The following ANK3 variants were observed in gnomAD, a reference collection of about 807,000 sequenced individuals.
ANK3 encodes the protein ankyrin 3.
ANK3 carries 57 observed loss-of-function variants against 370.9 expected under a neutral mutation model. The observed-to-expected ratio is 0.15, with a 90% CI of 0.12 to 0.19. The LOEUF (loss-of-function observed/expected upper bound fraction) is 0.19, where lower values mean the gene tolerates loss of function less well. Among genes scored for constraint, ANK3 ranks in the 10% least tolerant of loss-of-function variants. The pLI is 1.00. For missense variants in ANK3, 4,439 were observed against 5,302.1 expected, an observed-to-expected ratio of 0.84 and a Z score of 5.06; for synonymous variants, 1,929 against 1,946.3, an observed-to-expected ratio of 0.99 and a Z score of 0.23.
chr10:60,205,665 C>G (rs148135232), intron 11 of ANK3, 127 bp downstream of exon 11: 1 of 679,450 alleles, frequency 1.5e-6, no homozygotes. Flanking sequence ...CTAAAGAGTT[C>G]AGAATGCAGT....
intron 1 of ANK3, among the ~76,000 whole-genome samples, chr10:60,652,456 A>T (rs2078802217): frequency 6.6e-6 from 1 of 152,054 alleles, no homozygotes; most frequent in Non-Finnish European, 1.5e-5. Context: ...AGGAGAGATA[A>T]AGAACTTGAA....
chr10:60,443,315 A>G (rs1338221155), intron 2 of ANK3, among the ~76,000 whole-genome samples: 1 of 151,880 alleles, frequency 6.6e-6, no homozygotes, highest in African/African-American at 2.4e-5. Context: ...GTGTGTGTGT[A>G]TTAAGAGTAG....
At chr10:60,640,639 T>C (rs10994450) in intron 1 of ANK3, among the ~76,000 whole-genome samples, 1,437 of 62,490 alleles carry the variant, frequency 0.023, 404 homozygotes, top group African/African-American at 0.062. Context: ...GGACGTATCT[T>C]AAAATAATAA....
intron 2 of ANK3, among the ~76,000 whole-genome samples, chr10:60,477,007 CA>C (rs1320884333): frequency 6.6e-6 from 1 of 151,922 alleles, no homozygotes; most frequent in African/African-American, 2.4e-5. Context: ...AGAAAGCCTG[CA>C]AAAAAATCTT....
chr10:60,357,832 C>G (rs536527308), intron 1 of ANK3, among the ~76,000 whole-genome samples: 2 of 152,304 alleles, frequency 1.3e-5, no homozygotes, highest in African/African-American at 4.8e-5. Context: ...GACTGCCACT[C>G]TGCCAACCTT....
chr10:60,601,576 A>G (rs2078065127), intron 2 of ANK3, among the ~76,000 whole-genome samples: 1 of 152,134 alleles, frequency 6.6e-6, no homozygotes, highest in Non-Finnish European at 1.5e-5. Context: ...ATCAAAAACA[A>G]GAAAAAACTG....
At chr10:60,392,517 G>T (rs906758734), upstream of ANK3, among the ~76,000 whole-genome samples, 2 of 152,288 alleles carry the variant, frequency 1.3e-5, no homozygotes, top group East Asian at 3.9e-4. Context: ...CAGGCCGACG[G>T]TCACCTCCCT....
At chr10:60,067,765 A>T (rs1463289880) in intron 38 of ANK3, among the ~76,000 whole-genome samples, 170 bp downstream of exon 38, 1 of 152,234 alleles carries the variant, frequency 6.6e-6, no homozygotes, top group African/African-American at 2.4e-5. Context: ...AAAACACAGT[A>T]TACAAGGTAC....
At chr10:60,085,393 G>A (rs1342446196) in intron 30 of ANK3, 140 bp from the exon 31 acceptor site, 2 of 507,408 alleles carry the variant, frequency 3.9e-6, no homozygotes, top group African/African-American at 2.0e-5. Flanking sequence ...GTGTACTAAA[G>A]GTAGTTTTCC....
At position 60,086,851 on chromosome 10, in the gene ANK3, T is replaced by C. The variant is rs2086799022; in HGVS notation, c.3574A>G (p.Ile1192Val). ...CTAAAAGTTGCTTTGTTTCCAAGGA[T>C]CTTTTTCACAATTTCATCTGGAACA... ...QPVPDEIVKK[I>V]LGNKATFSPI... The change falls in exon 30 of 44, where the codon ATC (isoleucine) becomes GTC (valine). Residue 1192 changes from isoleucine to valine, a missense_variant. Transcript: ENST00000280772. 6.2e-7 allele frequency: 1 copy of C among 1,613,704 alleles called. No individual in the cohort carries two copies. The highest frequency in any genetic ancestry group is 1.7e-5 in the Admixed American group (1 of 59,970).
Position 60,380,474 on chromosome 10 carries a change from CTG to C in ANK3, c.114+8949_114+8950del, listed in dbSNP as rs770142413. 7.2e-5 allele frequency among the ~76,000 whole-genome samples: 11 copies of C among 152,286 alleles called. No homozygotes were observed. In the East Asian group the frequency reaches 7.7e-4, roughly 11 times the overall value. ...TGAATTACAGCTTTACACTTACTAA[CTG>C]TGAAACTTTGGGCAAGTTTTTGAAA... On this transcript the variant is annotated intron_variant, in intron 1 of 43. Transcript: ENST00000280772.
chr10:60,050,790 A>G (rs988343374), intron 42 of ANK3: 12 of 152,126 alleles, frequency 7.9e-5, no homozygotes, highest in Non-Finnish European at 5.9e-5. Flanking sequence ...AGTGTTTTCA[A>G]TTGTGCCGTA....
chr10:60,669,582 G>T (rs1367439240), intron 1 of ANK3, among the ~76,000 whole-genome samples: 2 of 152,128 alleles, frequency 1.3e-5, no homozygotes, highest in African/African-American at 4.8e-5. Context: ...TCTGATGGAT[G>T]CCTTTCTGAC....
At chr10:60,222,233 C>A (rs2097072415) in intron 8 of ANK3, among the ~76,000 whole-genome samples, 1 of 152,172 alleles carries the variant, frequency 6.6e-6, no homozygotes, top group South Asian at 2.1e-4. Context: ...ATGCGACTGC[C>A]TGGCTGCACA....
chr10:60,467,984 C>CT (rs56199348), intron 2 of ANK3, among the ~76,000 whole-genome samples: 40,545 of 135,146 alleles, frequency 0.3, 6,134 homozygotes, highest in East Asian at 0.49. Context: ...CATATAAAAA[C>CT]TTTTTTTTTT....
chr10:60,259,405 G>C (rs1381934651), intron 7 of ANK3, among the ~76,000 whole-genome samples: 4 of 152,140 alleles, frequency 2.6e-5, no homozygotes, highest in Non-Finnish European at 4.4e-5. Context: ...AATTAGGAAA[G>C]ACTGGGAAAA....
intron 16 of ANK3, among the ~76,000 whole-genome samples, chr10:60,190,837 C>G (rs1262705548): frequency 6.6e-6 from 1 of 152,134 alleles, no homozygotes; most frequent in Non-Finnish European, 1.5e-5. Context: ...TTAAATTATA[C>G]TACAAGGCTA....
chr10:60,315,784 T>G (rs2047282956), intron 1 of ANK3, among the ~76,000 whole-genome samples: 1 of 152,166 alleles, frequency 6.6e-6, no homozygotes, highest in African/African-American at 2.4e-5. Context: ...AGATTTACTG[T>G]GCCACGAGTG....
intron 23 of ANK3, among the ~76,000 whole-genome samples, chr10:60,147,236 C>T (rs1253669119): frequency 6.6e-6 from 1 of 152,182 alleles, no homozygotes; most frequent in Non-Finnish European, 1.5e-5. Flanking sequence ...GGTGATGCTG[C>T]AAGCCCAGCT....
Sources: allele counts gnomAD v4.1 joint callset (sites outside exome capture counted in the v4.1 genomes callset), GRCh38; gene constraint gnomAD v4.1.1; transcripts MANE v1.5; gene names NCBI Gene and HGNC (gene_info 2026-07-23, HGNC 2026-07-21).